Variants in ADAMTS2 observed in about 807,000 individuals in gnomAD.
The protein encoded by ADAMTS2 is ADAM metallopeptidase with thrombospondin type 1 motif 2.
Under a neutral mutation model 123.0 loss-of-function variants are expected in ADAMTS2, and 50 were observed. The observed-to-expected ratio is 0.41, with a 90% CI of 0.32 to 0.51. The LOEUF (loss-of-function observed/expected upper bound fraction) is 0.51. ADAMTS2 is among the 20% of genes least tolerant of loss of function. The pLI, the probability that ADAMTS2 is intolerant of heterozygous loss-of-function variation, is 0.35. For missense variants in ADAMTS2, 1,494 were observed against 1,705.2 expected (o/e 0.88, Z 2.18); for synonymous variants, 678 against 695.4 (o/e 0.98, Z 0.39).
intron 3 of ADAMTS2, among the ~76,000 whole-genome samples, chr5:179,253,114 C>T (rs1295541849): frequency 1.3e-5 from 2 of 152,180 alleles, no homozygotes; most frequent in East Asian, 3.9e-4. Context: ...CTTTACTTTC[C>T]ACTTTTTCTT....
intron 3 of ADAMTS2, among the ~76,000 whole-genome samples, chr5:179,249,716 TG>T (rs1765876086): frequency 6.6e-6 from 1 of 152,164 alleles, no homozygotes; most frequent in African/African-American, 2.4e-5. Flanking sequence ...ATGGAAAATT[TG>T]TACAGATCTA....
chr5:179,213,190 T>C (rs1764901246), intron 3 of ADAMTS2, among the ~76,000 whole-genome samples: 1 of 152,142 alleles, frequency 6.6e-6, no homozygotes, highest in Admixed American at 6.5e-5. Flanking sequence ...GCCCCCTCAT[T>C]GCTCTCTTCC....
rs773465746 is a variant in ADAMTS2 at position 179,152,275 on chromosome 5, C to T, written c.1516-20G>A. 3.1e-6 allele frequency: 5 copies of T among 1,611,744 alleles called. No individual in the cohort carries two copies. Among genetic ancestry groups the T allele is most frequent in the South Asian group, 2.2e-5 (2 of 90,958 alleles). On this transcript the variant is annotated intron_variant, in intron 9 of 21. Transcript: ENST00000251582. ...CCGGAACTGGAAGACAGCACCATAGCTTGCCAGGTCCCTCCCACCTCAGGG... is the reference window on the plus strand; with the variant it reads ...CCGGAACTGGAAGACAGCACCATAGTTTGCCAGGTCCCTCCCACCTCAGGG...
intron 2 of ADAMTS2, among the ~76,000 whole-genome samples, chr5:179,305,770 A>G (rs985978252): frequency 3.9e-5 from 6 of 152,174 alleles, no homozygotes; most frequent in Non-Finnish European, 1.5e-5. Context: ...AATATGAATT[A>G]CCAGTATCAG....
chr5:179,266,652 A>G (rs1419324305), intron 3 of ADAMTS2, among the ~76,000 whole-genome samples: 1 of 152,218 alleles, frequency 6.6e-6, no homozygotes, highest in East Asian at 1.9e-4. Context: ...CTGGTACAGC[A>G]GCCACAGGAA....
At chr5:179,329,895 G>A (rs1039512136) in intron 2 of ADAMTS2, among the ~76,000 whole-genome samples, 3 of 152,058 alleles carry the variant, frequency 2.0e-5, no homozygotes, top group Non-Finnish European at 4.4e-5. Flanking sequence ...GGGAGGCCGA[G>A]GCGGGTGGAT....
At chr5:179,160,201 G>A (rs1356210686) in intron 5 of ADAMTS2, among the ~76,000 whole-genome samples, 1 of 152,214 alleles carries the variant, frequency 6.6e-6, no homozygotes. Context: ...GCTCACACCT[G>A]TAATCCCAGC....
In ADAMTS2 at chr5:179,345,079, C is replaced by CG; in HGVS notation, c.139+110dup. 1.2e-6 allele frequency: 1 copy of CG among 847,814 alleles called. No individual in the cohort carries two copies. The highest frequency in any genetic ancestry group is 1.4e-6 in the Non-Finnish European group (1 of 693,454). The allele number at this position is 847,814 out of a possible 1,614,324, so 52.5% of individuals were successfully genotyped here. On this transcript the variant is annotated intron_variant, in intron 1 of 21. Coordinates refer to ENST00000251582, the MANE Select transcript of ADAMTS2 (RefSeq NM_014244.5). The surrounding 1 kb of genome is among the most constrained non-coding windows in gnomAD (Gnocchi z 7.5). ...CCAACTTGGCCCCGGGCGGGGCGCG[C>CG]GGAGTTTGCCCAAGTCAGGCTGGAC...
chr5:179,221,719 G>GC (rs972582340), intron 3 of ADAMTS2, among the ~76,000 whole-genome samples: 3 of 152,028 alleles, frequency 2.0e-5, no homozygotes, highest in African/African-American at 4.8e-5. Context: ...CCAGAGAAGA[G>GC]CCCCCCGCAG....
chr5:179,191,184 T>C (rs1026365017), intron 4 of ADAMTS2, among the ~76,000 whole-genome samples: 1 of 152,240 alleles, frequency 6.6e-6, no homozygotes, highest in Non-Finnish European at 1.5e-5. Flanking sequence ...TGCGAGCCAC[T>C]GACAGGGAAA....
chr5:179,335,027 A>G (rs1004592311), intron 2 of ADAMTS2, among the ~76,000 whole-genome samples: 2 of 152,238 alleles, frequency 1.3e-5, no homozygotes, highest in African/African-American at 2.4e-5. Flanking sequence ...CTATCAATCA[A>G]ATTCACGAGG....
chr5:179,146,616 G>A (rs76119352), intron 10 of ADAMTS2, among the ~76,000 whole-genome samples: 23,407 of 152,218 alleles, frequency 0.15, 1,943 homozygotes, highest in African/African-American at 0.22. Context: ...CTTCGTTAAT[G>A]AGACTGTCAA....
chr5:179,238,882 C>A (rs914002392), intron 3 of ADAMTS2, among the ~76,000 whole-genome samples: 29 of 152,200 alleles, frequency 1.9e-4, no homozygotes, highest in African/African-American at 7.0e-4. Flanking sequence ...CGCCCCAGGA[C>A]CCTTCCACCA....
intron 2 of ADAMTS2, among the ~76,000 whole-genome samples, chr5:179,333,523 C>T (rs1757531354): frequency 6.6e-6 from 1 of 151,912 alleles, no homozygotes; most frequent in South Asian, 2.1e-4. Flanking sequence ...CCATGCCCAT[C>T]AGTGGGCAGG....
chr5:179,331,781 T>C (rs1297102705), intron 2 of ADAMTS2, among the ~76,000 whole-genome samples: 1 of 152,096 alleles, frequency 6.6e-6, no homozygotes, highest in East Asian at 1.9e-4. Flanking sequence ...CCAGGCTGGG[T>C]GAGGTCCACT....
At chr5:179,310,590 G>C (rs970481869) in intron 2 of ADAMTS2, among the ~76,000 whole-genome samples, 3 of 152,144 alleles carry the variant, frequency 2.0e-5, no homozygotes, top group African/African-American at 4.8e-5. Context: ...TGCAGAGCCT[G>C]GCTATGCAAA....
intron 2 of ADAMTS2, among the ~76,000 whole-genome samples, chr5:179,297,850 A>T (rs1231957327): frequency 6.6e-6 from 1 of 151,980 alleles, no homozygotes; most frequent in Non-Finnish European, 1.5e-5. Context: ...TCAGCCCAAC[A>T]ACAGAACCGG....
At chr5:179,125,523 T>C (rs1452561213) in intron 18 of ADAMTS2, among the ~76,000 whole-genome samples, 1 of 152,162 alleles carries the variant, frequency 6.6e-6, no homozygotes, top group East Asian at 1.9e-4. Context: ...CCTCACCTTC[T>C]GCTGACGTCA....
rs979791538 is a variant in ADAMTS2 at position 179,202,312 on chromosome 5, C to A, written c.891+5201G>T. The stretch of plus-strand genomic sequence containing the variant: ...CCCCCTCCCCCAAACCTGGAACAGG[C>A]GATCCCTATCCTACCTCTTCCCACA... On this transcript the variant is annotated intron_variant, in intron 4 of 21. Transcript: ENST00000251582. The surrounding 1 kb of genome is among the most constrained non-coding windows in gnomAD (Gnocchi z 4.0). Among the ~76,000 whole-genome samples the A allele has an allele frequency of 6.6e-6, 1 of 152,122 alleles. No homozygotes were observed. The highest frequency in any genetic ancestry group is 2.4e-5 in the African/African-American group (1 of 41,436).
Sources: allele counts gnomAD v4.1 joint callset (sites outside exome capture counted in the v4.1 genomes callset), GRCh38; gene constraint gnomAD v4.1.1; non-coding constraint Gnocchi (gnomAD v3.1); transcripts MANE v1.5; gene names NCBI Gene and HGNC (gene_info 2026-07-23, HGNC 2026-07-21).